COQ9: variants seen among roughly 807,000 people sequenced by gnomAD.
COQ9 encodes the protein ubiquinone biosynthesis protein COQ9, mitochondrial.
Under a neutral mutation model 42.4 loss-of-function variants are expected in COQ9, and 35 were observed. The observed-to-expected ratio is 0.83, with a 90% confidence interval of 0.63 to 1.10. The LOEUF (loss-of-function observed/expected upper bound fraction) is 1.10. COQ9 is among the 50% of genes least tolerant of loss of function. COQ9 has a pLI of 0.00. For synonymous variants in COQ9, 155 were observed against 155.1 expected (o/e 1.00, Z 0.00); for missense variants, 406 against 414.6 (o/e 0.98, Z 0.18).
At chr16:57,458,928 C>T (rs1877066495) in intron 6 of COQ9, among the ~76,000 whole-genome samples, 1 of 152,138 alleles carries the variant, frequency 6.6e-6, no homozygotes, top group Non-Finnish European at 1.5e-5. Context: ...AGAAATACTC[C>T]CACCATAGTT....
chr16:57,450,736 T>C, intron 1 of COQ9: 1 of 443,830 alleles, frequency 2.3e-6, no homozygotes, highest in South Asian at 2.1e-5. Context: ...ATTATTACTC[T>C]AAATTTGCAG....
At chr16:57,450,831 A>G in intron 1 of COQ9, 3 of 637,032 alleles carry the variant, frequency 4.7e-6, no homozygotes, top group Non-Finnish European at 8.5e-6. Context: ...TGCTAGGTAG[A>G]TCATTTTTCC....
rs141336944 is a variant in COQ9, at chr16:57,455,500, C to T, written c.379-1004C>T. 3.5e-3 allele frequency among the ~76,000 whole-genome samples: 524 copies of T among 151,352 alleles called. 3 individuals are homozygous for T. Among genetic ancestry groups the T allele is most frequent in the African/African-American group, 0.012 (477 of 41,236 alleles). ...GGGGAGTCCAGACTCTCAAGGAACG[C>T]GGACATTTAAGGGGAGAGTAGAATA... On this transcript the variant is annotated intron_variant, in intron 3 of 8. Transcript: ENST00000262507.
At position 57,450,790 on chromosome 16, in the gene COQ9, C is replaced by A. The variant is rs1180958955; in HGVS notation, c.74-250C>A. ...TGGGGTGAAATTGTTTGCCAGTTAC[C>A]CAGGTAACAAGTGGTAGAAACAGGT... On this transcript the variant is annotated intron_variant, in intron 1 of 8. Coordinates refer to ENST00000262507, the MANE Select transcript of COQ9 (RefSeq NM_020312.4). 7 of 552,828 alleles carry A rather than the reference C, an allele frequency of 1.3e-5. No homozygotes were observed. In the East Asian group the frequency reaches 1.9e-4, roughly 15 times the overall value. 34.2% of individuals were successfully genotyped at this position (552,828 alleles called of 1,614,324 possible).
chr16:57,454,524 G>C (rs548040416), intron 3 of COQ9, among the ~76,000 whole-genome samples: 1 of 152,172 alleles, frequency 6.6e-6, no homozygotes, highest in Admixed American at 6.5e-5. Context: ...CAGGCATGGT[G>C]GTGCTTGCCT....
At chr16:57,455,545 AAGTC>A (rs1200037616) in intron 3 of COQ9, among the ~76,000 whole-genome samples, 51 of 152,054 alleles carry the variant, frequency 3.4e-4, no homozygotes, top group African/African-American at 1.2e-3. Flanking sequence ...GTCAAAGTCT[AAGTC>A]AGAGCATCCT....
chr16:57,455,356 C>CATATATATATATATATATATACAGT (rs72051263), intron 3 of COQ9, among the ~76,000 whole-genome samples: 1 of 143,340 alleles, frequency 7.0e-6, no homozygotes, highest in South Asian at 2.2e-4. Flanking sequence ...CACATTTGGG[C>CATATATATATATATATATATACAGT]ATATATATAT....
intron 6 of COQ9, 128 bp from the exon 7 acceptor site, chr16:57,459,437 C>T: frequency 1.1e-6 from 1 of 905,608 alleles, no homozygotes; most frequent in Non-Finnish European, 1.8e-6. Flanking sequence ...TAGTGTTGTC[C>T]AGAGGGCCAG....
In COQ9 at chr16:57,447,488, G is replaced by A. The variant is rs755781708; in HGVS notation, c.-18G>A. 13 of 1,289,260 alleles carry A rather than the reference G, an allele frequency of 1.0e-5. No individual in the cohort carries two copies. The highest frequency in any genetic ancestry group is 1.1e-5 in the Non-Finnish European group (11 of 1,011,560). 79.9% of individuals were successfully genotyped at this position (1,289,260 alleles called of 1,614,324 possible). ...AGCTACCGGTCGCGTCGCCGTGGGCGACGTGCCCGCTTCCAAAATGGCGGC... is the reference window on the plus strand; with the variant it reads ...AGCTACCGGTCGCGTCGCCGTGGGCAACGTGCCCGCTTCCAAAATGGCGGC... On this transcript the variant is annotated 5_prime_UTR_variant, in exon 1 of 9. Coordinates refer to ENST00000262507, the MANE Select transcript of COQ9 (RefSeq NM_020312.4).
chr16:57,460,109 G>C lies in COQ9; in HGVS notation c.921+5G>C, dbSNP rs2030500326. On this transcript the variant is annotated splice_donor_5th_base_variant and intron_variant, in intron 8 of 8. Transcript: ENST00000262507. ...CTCATGGGTGCAGCAGTGACGGTGAGTACTGCCCAGCACATCCCTGCCCCT... is the reference window on the plus strand; with the variant it reads ...CTCATGGGTGCAGCAGTGACGGTGACTACTGCCCAGCACATCCCTGCCCCT... 2 of 1,613,918 alleles carry C rather than the reference G, an allele frequency of 1.2e-6. No individual in the cohort carries two copies. Among genetic ancestry groups the C allele is most frequent in the Non-Finnish European group, 1.7e-6 (2 of 1,179,828 alleles).
rs527403456 is a variant in COQ9, at chr16:57,459,426, G to A, written c.712-139G>A. 1.1e-5 allele frequency: 9 copies of A among 815,160 alleles called. No homozygotes were observed. The South Asian group carries it at 1.2e-4, about 11-fold the overall frequency. 50.5% of individuals were successfully genotyped at this position (815,160 alleles called of 1,614,324 possible). ...CTGATGCTCAGTCAAGTTTGAGATGGTAGTGTTGTCCAGAGGGCCAGATGT... is the reference window on the plus strand; with the variant it reads ...CTGATGCTCAGTCAAGTTTGAGATGATAGTGTTGTCCAGAGGGCCAGATGT... On this transcript the variant is annotated intron_variant, in intron 6 of 8. Transcript: ENST00000262507.
intron 6 of COQ9, among the ~76,000 whole-genome samples, chr16:57,458,616 G>A (rs182819604): frequency 2.0e-3 from 310 of 152,262 alleles, no homozygotes; most frequent in African/African-American, 7.1e-3. Flanking sequence ...TAGCATTGGC[G>A]AAAGCTAATT....
In COQ9 at chr16:57,459,688, G is replaced by A. The variant is rs76508383; in HGVS notation, c.835G>A (p.Asp279Asn). Residue 279 changes from aspartate (D) to asparagine (N), a missense_variant, in exon 7 of 9, where the codon GAT (aspartate) becomes AAT (asparagine). Coordinates refer to ENST00000262507, the MANE Select transcript of COQ9 (RefSeq NM_020312.4). ...TWRFLENRVN[D>N]AMNMGHTAKQ... is the part of the protein sequence containing the mutation. ...GCGCTTCCTGGAAAACCGGGTTAAT[G>A]ATGCAATGAACATGGGCCACACTGC... 3.8e-3 allele frequency: 6,087 copies of A among 1,614,212 alleles called. 16 individuals carry two copies. Among genetic ancestry groups the A allele is most frequent in the Non-Finnish European group, 4.7e-3 (5,543 of 1,180,036 alleles).
At chr16:57,453,656 T>C (rs1314835650) in intron 3 of COQ9, 1 of 153,184 alleles carries the variant, frequency 6.5e-6, no homozygotes, top group East Asian at 1.9e-4. Context: ...TTCCTTGTCT[T>C]CTCTCACTCC....
intron 3 of COQ9, among the ~76,000 whole-genome samples, chr16:57,455,180 G>C (rs563601659): frequency 6.6e-6 from 1 of 151,980 alleles, no homozygotes; most frequent in African/African-American, 2.4e-5. Flanking sequence ...TGCATGTGTG[G>C]GTACCCAATG....
At chr16:57,455,356 C>T (rs1598038184) in intron 3 of COQ9, among the ~76,000 whole-genome samples, 1 of 143,338 alleles carries the variant, frequency 7.0e-6, no homozygotes, top group South Asian at 2.2e-4. Flanking sequence ...CACATTTGGG[C>T]ATATATATAT....
chr16:57,452,885 G>A lies in COQ9; in HGVS notation c.327G>A (p.Glu109=). 2 of 1,613,866 alleles carry A rather than the reference G, an allele frequency of 1.2e-6. No homozygotes were observed. Among genetic ancestry groups the A allele is most frequent in the Non-Finnish European group, 1.7e-6 (2 of 1,180,004 alleles). The change falls in exon 3 of 9, where the codon GAG becomes GAA. Residue 109 remains glutamate (E), a synonymous_variant. Transcript: ENST00000262507. The part of the protein sequence containing the change: ...LQHRILTAAL[E]FVPAHGWTAE... ...ACCGCATCCTGACGGCAGCCCTTGAGTTTGTGCCCGCCCACGGGTGGACAG... is the reference window on the plus strand; with the variant it reads ...ACCGCATCCTGACGGCAGCCCTTGAATTTGTGCCCGCCCACGGGTGGACAG...
intron 4 of COQ9, 54 bp downstream of exon 4, chr16:57,456,700 G>T (rs760973640): frequency 6.3e-7 from 1 of 1,588,744 alleles, no homozygotes. Context: ...AGGGAACTTG[G>T]GCCCTACCAG....
intron 3 of COQ9, among the ~76,000 whole-genome samples, chr16:57,455,905 C>T (rs1224308131): frequency 6.6e-6 from 1 of 151,974 alleles, no homozygotes; most frequent in African/African-American, 2.4e-5. Context: ...TGGCGAGACC[C>T]CATCTCTACA....
Sources: allele counts gnomAD v4.1 joint callset (sites outside exome capture counted in the v4.1 genomes callset), GRCh38; gene constraint gnomAD v4.1.1; transcripts MANE v1.5; gene names NCBI Gene and HGNC (gene_info 2026-07-23, HGNC 2026-07-21).